Variants in RNF112 observed in about 807,000 individuals in gnomAD.
RNF112 encodes brain finger protein.
A neutral mutation model predicts 64.7 loss-of-function variants in RNF112; 34 were observed. The observed-to-expected ratio is 0.53, with a 90% CI of 0.40 to 0.70. RNF112 has a LOEUF of 0.70. RNF112 is among the 30% of genes least tolerant of loss of function. The pLI, the probability that RNF112 is intolerant of heterozygous loss-of-function variation, is 0.00. For synonymous variants in RNF112, 345 were observed against 344.5 expected, an observed-to-expected ratio of 1.00 and a Z score of -0.02; for missense variants, 734 against 850.0, an observed-to-expected ratio of 0.86 and a Z score of 1.70.
rs1045323898 is a variant in RNF112 at position 19,417,089 on chromosome 17, A to T, written c.*914A>T. On this transcript the variant is annotated 3_prime_UTR_variant, in exon 14 of 14. Transcript: ENST00000461366. ...TGGGCTTGTAAGAAGATGCAGCTTGATGCAGCTCCTCAAACACCAGGCCCC... is the reference window on the plus strand; with the variant it reads ...TGGGCTTGTAAGAAGATGCAGCTTGTTGCAGCTCCTCAAACACCAGGCCCC... 1 of 152,118 alleles carries T rather than the reference A, an allele frequency of 6.6e-6. No homozygotes were observed. The highest frequency in any genetic ancestry group is 1.5e-5 in the Non-Finnish European group (1 of 68,034). The allele number at this position is 152,118 out of a possible 1,614,324, so 9.4% of individuals were successfully genotyped here. A position where few individuals can be genotyped will look rare whatever the true frequency, so the allele number is the denominator to read the frequency against.
rs1166682196 is a variant in RNF112 at position 19,416,065 on chromosome 17, G to C, written c.1786G>C (p.Val596Leu). 6.4e-7 allele frequency: 1 copy of C among 1,569,478 alleles called. No individual in the cohort carries two copies. The highest frequency in any genetic ancestry group is 1.9e-5 in the Admixed American group (1 of 52,700). ...AAVGATGAAV[V>L]GGGVGAGLAA... ...CGTGGGGGCCACAGGGGCCGCTGTG[G>C]TTGGGGGTGGCGTGGGTGCTGGGTT... Residue 596 changes from valine (V) to leucine (L), a missense_variant, in exon 14 of 14, where the codon GTT (valine) becomes CTT (leucine). Transcript: ENST00000461366.
rs775266667 is a variant in RNF112, at chr17:19,415,617, G to A, written c.1425+25G>A. 6.2e-7 allele frequency: 1 copy of A among 1,609,580 alleles called. No individual in the cohort carries two copies. The highest frequency in any genetic ancestry group is 8.5e-7 in the Non-Finnish European group (1 of 1,177,818). The stretch of plus-strand genomic sequence containing the variant: ...GGTGAGCCCCGGGGCTGCACGGGAG[G>A]CAGGTGTGGGCCGGGCAGGGTCCAG... On this transcript the variant is annotated intron_variant, in intron 13 of 13. Transcript: ENST00000461366. This position sits in a 1 kb window ranked among gnomAD's most constrained non-coding sequence, Gnocchi z 7.8.
In RNF112 at chr17:19,415,430, G is replaced by A; in HGVS notation, c.1351-88G>A. 2 of 1,546,746 alleles carry A rather than the reference G, an allele frequency of 1.3e-6. No individual in the cohort carries two copies. The highest frequency in any genetic ancestry group is 2.0e-5 in the Admixed American group (1 of 50,946). Reference sequence around the variant, plus strand: ...GCCGAGGCCTCCGGGGTGGGGGTCTGTGTGCCCTGGGAGTGGAGATGAGGA... The same window carrying A: ...GCCGAGGCCTCCGGGGTGGGGGTCTATGTGCCCTGGGAGTGGAGATGAGGA... On this transcript the variant is annotated intron_variant, in intron 12 of 13. Coordinates refer to ENST00000461366, the MANE Select transcript of RNF112 (RefSeq NM_007148.5). The surrounding 1 kb of genome is among the most constrained non-coding windows in gnomAD (Gnocchi z 7.8).
intron 9 of RNF112, 37 bp from the exon 10 acceptor site, chr17:19,414,733 C>T (rs1362275531): frequency 3.7e-6 from 6 of 1,611,104 alleles, no homozygotes; most frequent in Non-Finnish European, 5.1e-6. Context: ...GGAGGCTGGA[C>T]CTCCTAGCTC....
At position 19,415,170 on chromosome 17, in the gene RNF112, G is replaced by A. The variant is rs944728278; in HGVS notation, c.1259G>A (p.Arg420His). Reference sequence around the variant, plus strand: ...CGCGCCGTGGCCAGGGGGGACAGACGCCTACTCACGGGGCAGCAGCTAGCT... The same window carrying A: ...CGCGCCGTGGCCAGGGGGGACAGACACCTACTCACGGGGCAGCAGCTAGCT... ...EGRAVARGDRRLLTGQQLAQE... is the reference protein window; with the variant it reads ...EGRAVARGDRHLLTGQQLAQE... The change falls in exon 11 of 14, where the codon CGC becomes CAC. Residue 420 changes from arginine (R) to histidine (H), a missense_variant. Coordinates refer to ENST00000461366, the MANE Select transcript of RNF112 (RefSeq NM_007148.5). This position sits in a 1 kb window ranked among gnomAD's most constrained non-coding sequence, Gnocchi z 7.8. 2.5e-6 allele frequency: 4 copies of A among 1,607,674 alleles called. No homozygotes were observed. In the African/African-American group the frequency reaches 5.4e-5, roughly 22 times the overall value.
chr17:19,411,756 C>T lies in RNF112; in HGVS notation c.95+86C>T, dbSNP rs558289437. On this transcript the variant is annotated intron_variant, in intron 2 of 13. Transcript: ENST00000461366. ...ATGGCCGGTCCTGGAACACAGAGCC[C>T]GGCAGCCCAGCCGGGAGGGCTGTCC... is the stretch of plus-strand genomic sequence containing the variant. The T allele has an allele frequency of 1.5e-4, 204 of 1,406,502 alleles. 1 individual carries two copies. The African/African-American group carries it at 2.4e-3, about 16-fold the overall frequency. 87.1% of individuals were successfully genotyped at this position (1,406,502 alleles called of 1,614,324 possible).
intron 1 of RNF112, 26 bp from the exon 2 acceptor site, chr17:19,411,604 C>CT (rs33912708): frequency 0.017 from 23,675 of 1,403,932 alleles, 14 homozygotes; most frequent in East Asian, 0.029. Context: ...TGTTCTAAAT[C>CT]TTTTTTTTTT....
Position 19,411,277 on chromosome 17 carries a change from C to A in RNF112, c.-132C>A. 1.3e-6 allele frequency: 1 copy of A among 746,514 alleles called. No individual in the cohort carries two copies. Among genetic ancestry groups the A allele is most frequent in the South Asian group, 1.8e-5 (1 of 56,980 alleles). The allele number at this position is 746,514 out of a possible 1,614,324, so 46.2% of individuals were successfully genotyped here. A position where few individuals can be genotyped will look rare whatever the true frequency, so the allele number is the denominator to read the frequency against. On this transcript the variant is annotated 5_prime_UTR_variant, in exon 1 of 14. Transcript: ENST00000461366. The stretch of plus-strand genomic sequence containing the variant: ...ACCGGGAGTCAGCTCCTCGGGGATA[C>A]CATCCCCCGACCTCACCTTCTACCT...
rs956672595 is a variant in RNF112 at position 19,416,417 on chromosome 17, C to T, written c.*242C>T. 3.0e-5 allele frequency: 15 copies of T among 495,698 alleles called. No homozygotes were observed. Among genetic ancestry groups the T allele is most frequent in the African/African-American group, 7.9e-5 (4 of 50,606 alleles). The allele number at this position is 495,698 out of a possible 1,614,324, so 30.7% of individuals were successfully genotyped here. On this transcript the variant is annotated 3_prime_UTR_variant, in exon 14 of 14. Transcript: ENST00000461366. Reference sequence around the variant, plus strand: ...CCTGTTTCTGGTTGCAGATGGTTGCCGATCTGCCCTTGTCACAGATAGGCT... The same window carrying T: ...CCTGTTTCTGGTTGCAGATGGTTGCTGATCTGCCCTTGTCACAGATAGGCT...
Position 19,413,109 on chromosome 17 carries a change from C to G in RNF112, c.553C>G (p.Leu185Val). The change falls in exon 4 of 14, where the codon CTC becomes GTC. Residue 185 changes from leucine (L) to valine (V), a missense_variant. Coordinates refer to ENST00000461366, the MANE Select transcript of RNF112 (RefSeq NM_007148.5). This position sits in a 1 kb window ranked among gnomAD's most constrained non-coding sequence, Gnocchi z 5.9. ...LGEQHSGKSF[L>V]LNHLLQGLPG... ...GGAGCAGCACTCAGGGAAGTCCTTC[C>G]TCCTCAACCATTTGCTTCAGGGCTT... The G allele has an allele frequency of 6.2e-7, 1 of 1,613,340 alleles. No homozygotes were observed. The highest frequency in any genetic ancestry group is 8.5e-7 in the Non-Finnish European group (1 of 1,179,782).
At position 19,411,675 on chromosome 17, in the gene RNF112, G is replaced by A; in HGVS notation, c.95+5G>A. On this transcript the variant is annotated splice_donor_5th_base_variant and intron_variant, in intron 2 of 13. Transcript: ENST00000461366. ...GGGAAACAGCGGCAACAGTTGGTAA[G>A]TAGCAGGGCCTTCCAGGCTGGGATG... 6.3e-7 allele frequency: 1 copy of A among 1,578,680 alleles called. No homozygotes were observed. The highest frequency in any genetic ancestry group is 1.2e-5 in the South Asian group (1 of 86,042).
chr17:19,416,477 A>C lies in RNF112; in HGVS notation c.*302A>C, dbSNP rs1598138108. 3.2e-6 allele frequency: 1 copy of C among 313,002 alleles called. No individual in the cohort carries two copies. The highest frequency in any genetic ancestry group is 5.9e-6 in the Non-Finnish European group (1 of 168,866). 19.4% of individuals were successfully genotyped at this position (313,002 alleles called of 1,614,324 possible). ...GGTTTCTGGCTGCAAGTGAGACTCCACCCTCCCCACCTGGCTCATTTCCCC... is the reference window on the plus strand; with the variant it reads ...GGTTTCTGGCTGCAAGTGAGACTCCCCCCTCCCCACCTGGCTCATTTCCCC... On this transcript the variant is annotated 3_prime_UTR_variant, in exon 14 of 14. Transcript: ENST00000461366.
chr17:19,414,904 G>A lies in RNF112; in HGVS notation c.1126+17G>A. ...GCCCTGGTGGTGAGTGTCTCTGAGA[G>A]CTGAACCTCTCTTGCGCTGCTCCCA... On this transcript the variant is annotated intron_variant, in intron 10 of 13. Transcript: ENST00000461366. The A allele has an allele frequency of 6.2e-7, 1 of 1,611,546 alleles. No individual in the cohort carries two copies. The highest frequency in any genetic ancestry group is 8.5e-7 in the Non-Finnish European group (1 of 1,178,608).
chr17:19,413,197 G>T lies in RNF112; in HGVS notation c.588+53G>T, dbSNP rs1161237357. ...GCGGGGAGCAAGGATGGGGGTTCCT[G>T]CCTGGGGGAAGCTGGGTCTGGTATT... On this transcript the variant is annotated intron_variant, in intron 4 of 13. Transcript: ENST00000461366. The surrounding 1 kb of genome is among the most constrained non-coding windows in gnomAD (Gnocchi z 5.9). The T allele has an allele frequency of 2.5e-6, 4 of 1,598,104 alleles. No individual in the cohort carries two copies. Among genetic ancestry groups the T allele is most frequent in the Non-Finnish European group, 2.6e-6 (3 of 1,170,240 alleles).
chr17:19,415,422 G>T lies in RNF112; in HGVS notation c.1350+83G>T, dbSNP rs1223284970. The T allele has an allele frequency of 6.5e-7, 1 of 1,543,452 alleles. No homozygotes were observed. The highest frequency in any genetic ancestry group is 8.8e-7 in the Non-Finnish European group (1 of 1,142,804). On this transcript the variant is annotated intron_variant, in intron 12 of 13. Transcript: ENST00000461366. The surrounding 1 kb of genome is among the most constrained non-coding windows in gnomAD (Gnocchi z 7.8). ...GGGGCTGTGCCGAGGCCTCCGGGGT[G>T]GGGGTCTGTGTGCCCTGGGAGTGGA...
Position 19,415,304 on chromosome 17 carries a change from G to A in RNF112, c.1315G>A (p.Gly439Arg). The part of the protein sequence containing the change: ...QEIKNLSGWM[G>R]RTGPGFTSPD... Reference sequence around the variant, plus strand: ...TCCGCAGAACCTCTCAGGATGGATGGGGAGGACAGGGCCCGGTTTCACCTC... The same window carrying A: ...TCCGCAGAACCTCTCAGGATGGATGAGGAGGACAGGGCCCGGTTTCACCTC... The change falls in exon 12 of 14, where the codon GGG (glycine) becomes AGG (arginine). Residue 439 changes from glycine (G) to arginine (R), a missense_variant. Physicochemically the swap from Gly to Arg is moderately radical, Grantham distance 125. Coordinates refer to ENST00000461366, the MANE Select transcript of RNF112 (RefSeq NM_007148.5). This position sits in a 1 kb window ranked among gnomAD's most constrained non-coding sequence, Gnocchi z 7.8. 6.2e-7 allele frequency: 1 copy of A among 1,609,690 alleles called. No individual in the cohort carries two copies. The highest frequency in any genetic ancestry group is 8.5e-7 in the Non-Finnish European group (1 of 1,178,012).
rs1410883896 is a variant in RNF112, at chr17:19,413,188, G to A, written c.588+44G>A. 4 of 1,600,060 alleles carry A rather than the reference G, an allele frequency of 2.5e-6. No homozygotes were observed. Among genetic ancestry groups the A allele is most frequent in the East Asian group, 4.5e-5 (2 of 44,572 alleles). ...AGGAGGGAGGCGGGGAGCAAGGATG[G>A]GGGTTCCTGCCTGGGGGAAGCTGGG... On this transcript the variant is annotated intron_variant, in intron 4 of 13. Coordinates refer to ENST00000461366, the MANE Select transcript of RNF112 (RefSeq NM_007148.5). The surrounding 1 kb of genome is among the most constrained non-coding windows in gnomAD (Gnocchi z 5.9).
At position 19,415,492 on chromosome 17, in the gene RNF112, G is replaced by A. The variant is rs1416390683; in HGVS notation, c.1351-26G>A. On this transcript the variant is annotated intron_variant, in intron 12 of 13. Transcript: ENST00000461366. The surrounding 1 kb of genome is among the most constrained non-coding windows in gnomAD (Gnocchi z 7.8). The stretch of plus-strand genomic sequence containing the variant: ...CCCCTGGCTGAGAAGGAAGGAAGGA[G>A]GCAGCCTGGGTTTTCCCGTGGACAG... 2 of 1,600,132 alleles carry A rather than the reference G, an allele frequency of 1.2e-6. No individual in the cohort carries two copies. Among genetic ancestry groups the A allele is most frequent in the Admixed American group, 3.5e-5 (2 of 57,758 alleles).
At position 19,415,698 on chromosome 17, in the gene RNF112, G is replaced by A. The variant is rs747574642; in HGVS notation, c.1426-7G>A. ...CAGGGCACCTTCTTTTCCCCTCCCT[G>A]TCACAGGACGTAGCCACCAAGCGCA... is the stretch of plus-strand genomic sequence containing the variant. On this transcript the variant is annotated splice_polypyrimidine_tract_variant and splice_region_variant and intron_variant, in intron 13 of 13. Coordinates refer to ENST00000461366, the MANE Select transcript of RNF112 (RefSeq NM_007148.5). The surrounding 1 kb of genome is among the most constrained non-coding windows in gnomAD (Gnocchi z 7.8). 3.1e-6 allele frequency: 5 copies of A among 1,604,228 alleles called. No individual in the cohort carries two copies. Among genetic ancestry groups the A allele is most frequent in the Non-Finnish European group, 4.3e-6 (5 of 1,174,524 alleles).
Sources: gnomAD v4.1 joint callset for allele counts on GRCh38, gnomAD v4.1.1 for gene constraint, Gnocchi (gnomAD v3.1) non-coding constraint, MANE v1.5 for transcripts, NCBI Gene and HGNC (gene_info 2026-07-23, HGNC 2026-07-21) for gene names.